NDUFAF6: variants seen among roughly 807,000 people sequenced by gnomAD.
NDUFAF6 encodes the protein NADH dehydrogenase (ubiquinone) complex I, assembly factor 6.
In NDUFAF6, 45 loss-of-function variants were observed where a neutral mutation model predicts 40.8. The ratio of observed to expected loss-of-function variants is 1.10; its 90% CI spans 0.87 to 1.42. The LOEUF is 1.42. NDUFAF6 is among the 40% of genes most tolerant of loss of function. The pLI is 0.00. For missense variants in NDUFAF6, 435 were observed against 418.5 expected (o/e 1.04, Z -0.34); for synonymous variants, 185 against 155.9 (o/e 1.19, Z -1.39).
At chr8:95,005,647 G>A (rs966696573) in intron 2 of NDUFAF6, among the ~76,000 whole-genome samples, 4 of 149,336 alleles carry the variant, frequency 2.7e-5, no homozygotes, top group Non-Finnish European at 4.4e-5. Flanking sequence ...TTAAGCACTT[G>A]AATAAGACTG....
chr8:94,902,693 C>CTTTTTTTTTTTTTTTTTT, intron 1 of NDUFAF6, among the ~76,000 whole-genome samples: 1 of 121,552 alleles, frequency 8.2e-6, no homozygotes, highest in Non-Finnish European at 1.7e-5. Flanking sequence ...TGTGGACATA[C>CTTTTTTTTTTTTTTTTTT]TTTTTTTTTT....
chr8:95,043,086 C>CTTTT (rs113805309), intron 4 of NDUFAF6, among the ~76,000 whole-genome samples: 1 of 132,594 alleles, frequency 7.5e-6, no homozygotes, highest in Non-Finnish European at 1.6e-5. Context: ...GCAGTGGTTT[C>CTTTT]TTTTTTTTTT....
intron 1 of NDUFAF6, among the ~76,000 whole-genome samples, chr8:94,978,245 A>G (rs1227679716): frequency 1.3e-5 from 2 of 152,136 alleles, no homozygotes; most frequent in Non-Finnish European, 2.9e-5. Context: ...CATCATGCCG[A>G]TGTGATGAAG....
intron 2 of NDUFAF6, among the ~76,000 whole-genome samples, chr8:95,018,841 G>T (rs1827574797): frequency 6.6e-6 from 1 of 152,164 alleles, no homozygotes; most frequent in African/African-American, 2.4e-5. Flanking sequence ...CACACAATGG[G>T]TGATGGGGTG....
chr8:94,929,978 C>T (rs1586685116), intron 1 of NDUFAF6: 1 of 153,568 alleles, frequency 6.5e-6, no homozygotes, highest in African/African-American at 2.4e-5. Flanking sequence ...TCCATTATAT[C>T]CATGGCAACT....
In NDUFAF6 at chr8:95,075,577, TTCCCTAG is replaced by T. The variant is rs1314341145; in HGVS notation, c.*512-55_*512-49del. 2.4e-6 allele frequency: 3 copies of T among 1,270,636 alleles called. No individual in the cohort carries two copies. The African/African-American group carries it at 4.6e-5, about 19-fold the overall frequency. The allele number at this position is 1,270,636 out of a possible 1,614,324, so 78.7% of individuals were successfully genotyped here. A position where few individuals can be genotyped will look rare whatever the true frequency, so the allele number is the denominator to read the frequency against. Reference sequence around the variant, plus strand: ...AGCATCTCTCGGGGCATGGGAATGTTTCCCTAGAATTTTCTAGTTGGCTTGGTGAATA... The same window carrying T: ...AGCATCTCTCGGGGCATGGGAATGTTAATTTTCTAGTTGGCTTGGTGAATA... On this transcript the variant is annotated intron_variant and NMD_transcript_variant, in intron 9 of 9. Coordinates refer to the NDUFAF6 transcript ENST00000520757.
intron 1 of NDUFAF6, among the ~76,000 whole-genome samples, chr8:94,942,282 C>T (rs560547531): frequency 1.4e-4 from 21 of 152,062 alleles, no homozygotes; most frequent in Non-Finnish European, 2.2e-4. Context: ...CCTCATGATC[C>T]GCCCACCTCA....
Position 95,000,542 on chromosome 8 carries a change from AGATATGCAAAAATG to A in NDUFAF6, c.-84+19570_-84+19583del, listed in dbSNP as rs1328629925. Among the ~76,000 whole-genome samples the A allele has an allele frequency of 2.6e-5, 4 of 152,128 alleles. No individual in the cohort carries two copies. The East Asian group carries it at 7.7e-4, about 29-fold the overall frequency. ...CTAATCTTTTTATTAGAATTAGATA[AGATATGCAAAAATG>A]CATATTTTAATCTAAAAGTAAAATA... On this transcript the variant is annotated intron_variant, in intron 2 of 9. Transcript: ENST00000396111.
In NDUFAF6 at chr8:94,983,836, G is replaced by A. The variant is rs986829622; in HGVS notation, c.-84+2863G>A. 5.3e-5 allele frequency among the ~76,000 whole-genome samples: 8 copies of A among 152,100 alleles called. No homozygotes were observed. In the South Asian group the frequency reaches 1.0e-3, roughly 20 times the overall value. ...CTGGTTTCCTAAATGTGTCTGTACC[G>A]AAGAGTCACCAAGGGGCACTTATTA... On this transcript the variant is annotated intron_variant, in intron 2 of 9. Transcript: ENST00000396111.
intron 1 of NDUFAF6, among the ~76,000 whole-genome samples, chr8:94,977,261 C>T (rs1034774192): frequency 6.6e-6 from 1 of 151,922 alleles, no homozygotes; most frequent in Non-Finnish European, 1.5e-5. Context: ...CCTGTAATCC[C>T]AGTGCTTTGG....
At chr8:95,095,885 G>A (rs979388584), upstream of NDUFAF6, among the ~76,000 whole-genome samples, 1 of 152,042 alleles carries the variant, frequency 6.6e-6, no homozygotes, top group Non-Finnish European at 1.5e-5. Context: ...GGCTAGTCTC[G>A]AACTCCTGGC....
upstream of NDUFAF6, among the ~76,000 whole-genome samples, chr8:95,098,900 C>A (rs1038316941): frequency 1.3e-5 from 2 of 150,866 alleles, no homozygotes; most frequent in Non-Finnish European, 3.0e-5. Flanking sequence ...CCAGCCTGGG[C>A]GACAGAGTAA....
At chr8:94,975,871 G>A (rs1479733767) in intron 1 of NDUFAF6, 1 of 152,178 alleles carries the variant, frequency 6.6e-6, no homozygotes, top group Non-Finnish European at 1.5e-5. Context: ...CTGAGCACAA[G>A]AAATCAACTT....
At chr8:94,922,679 A>G (rs2515236) in intron 1 of NDUFAF6, among the ~76,000 whole-genome samples, 45,106 of 151,480 alleles carry the variant, frequency 0.3, 7,371 homozygotes, top group Non-Finnish European at 0.37. Context: ...AGCTTTCACC[A>G]CATTGGCCAG....
At chr8:95,068,703 T>C (rs1832759625) in intron 9 of NDUFAF6, 1 of 151,842 alleles carries the variant, frequency 6.6e-6, no homozygotes, top group African/African-American at 2.4e-5. Context: ...ACACGACACT[T>C]TTCTACTGAA....
intron 1 of NDUFAF6, among the ~76,000 whole-genome samples, chr8:94,925,047 G>A (rs574469494): frequency 2.0e-5 from 3 of 152,268 alleles, no homozygotes; most frequent in African/African-American, 7.2e-5. Context: ...CCAGCCCAAA[G>A]TGGGGCTTTC....
intron 2 of NDUFAF6, among the ~76,000 whole-genome samples, chr8:95,010,779 C>T (rs1265913933): frequency 1.3e-5 from 2 of 152,138 alleles, no homozygotes; most frequent in East Asian, 3.9e-4. Flanking sequence ...AATGAGAGGT[C>T]TCTAGTGGTG....
intron 2 of NDUFAF6, among the ~76,000 whole-genome samples, chr8:95,087,080 TA>T (rs71503480): frequency 2.2e-5 from 3 of 134,938 alleles, no homozygotes; most frequent in Admixed American, 7.4e-5. Context: ...CCTTTTTTTT[TA>T]AAAAATTCTG....
At chr8:95,048,272 A>G (rs951266972) in intron 6 of NDUFAF6, among the ~76,000 whole-genome samples, 185 bp from the exon 7 acceptor site, 3 of 152,056 alleles carry the variant, frequency 2.0e-5, no homozygotes, top group Non-Finnish European at 2.9e-5. Context: ...CCACACATGC[A>G]CACACACGCA....
Sources: gnomAD v4.1 joint callset for allele counts (sites outside exome capture counted in the v4.1 genomes callset) on GRCh38, gnomAD v4.1.1 for gene constraint, MANE v1.5 for transcripts, NCBI Gene and HGNC (gene_info 2026-07-23, HGNC 2026-07-21) for gene names.